TMEM117: variants seen among roughly 807,000 people sequenced by gnomAD.
TMEM117 encodes transmembrane protein 117.
In TMEM117, 27 loss-of-function variants were observed where a neutral mutation model predicts 52.4. The ratio of observed to expected loss-of-function variants is 0.51; its 90% CI spans 0.38 to 0.71. The LOEUF (loss-of-function observed/expected upper bound fraction) is 0.71, where lower values mean the gene tolerates loss of function less well. Ranked by LOEUF, TMEM117 falls within the 30% of genes least tolerant of loss-of-function variation. The pLI is 0.00. For missense variants in TMEM117, 556 were observed against 630.5 expected (o/e 0.88, Z 1.26); for synonymous variants, 215 against 206.3 (o/e 1.04, Z -0.36).
At chr12:44,142,624 A>C (rs1460322586) in intron 3 of TMEM117, among the ~76,000 whole-genome samples, 2 of 152,138 alleles carry the variant, frequency 1.3e-5, no homozygotes, top group Non-Finnish European at 2.9e-5. Flanking sequence ...TAAATTGTAC[A>C]GGTATTATTA....
intron 3 of TMEM117, among the ~76,000 whole-genome samples, chr12:44,067,127 T>C (rs184126209): frequency 3.6e-4 from 55 of 152,336 alleles, no homozygotes; most frequent in African/African-American, 1.2e-3. Flanking sequence ...CCTGCAGCAA[T>C]TTAGTCACCT....
At position 44,173,127 on chromosome 12, in the gene TMEM117, G is replaced by A. The variant is rs916749400; in HGVS notation, c.510+29503G>A. Among the ~76,000 whole-genome samples, 8 of 152,338 alleles carry A rather than the reference G, an allele frequency of 5.3e-5. No individual in the cohort carries two copies. The South Asian group carries it at 1.7e-3, about 32-fold the overall frequency. On this transcript the variant is annotated intron_variant, in intron 4 of 7. Coordinates refer to ENST00000266534, the MANE Select transcript of TMEM117 (RefSeq NM_032256.3). ...GTCTTACTCTGTCACCCAGGTTGGA[G>A]TGCAGTGGTGAAATCTTGATTCACT... is the stretch of plus-strand genomic sequence containing the variant.
chr12:44,277,720 C>T (rs890786392), intron 5 of TMEM117, among the ~76,000 whole-genome samples: 1 of 151,476 alleles, frequency 6.6e-6, no homozygotes, highest in Non-Finnish European at 1.5e-5. Flanking sequence ...AACTTCCCTC[C>T]CATGCTGCAT....
At chr12:43,883,102 G>GTTCTATA (rs1464850979) in intron 2 of TMEM117, among the ~76,000 whole-genome samples, 1 of 151,972 alleles carries the variant, frequency 6.6e-6, no homozygotes, top group Non-Finnish European at 1.5e-5. Context: ...AAGGAGAAGA[G>GTTCTATA]TTCTATATTT....
intron 4 of TMEM117, among the ~76,000 whole-genome samples, chr12:44,197,552 A>G (rs1949437642): frequency 6.6e-6 from 1 of 152,208 alleles, no homozygotes; most frequent in South Asian, 2.1e-4. Flanking sequence ...CTTGCTCAGC[A>G]AAACCAGTGA....
intron 3 of TMEM117, among the ~76,000 whole-genome samples, chr12:44,096,021 T>G (rs1448281644): frequency 6.6e-6 from 1 of 152,158 alleles, no homozygotes; most frequent in Non-Finnish European, 1.5e-5. Context: ...CAGCAAAGTC[T>G]CAGGATACAA....
chr12:43,960,466 T>C (rs1180403946), intron 3 of TMEM117, among the ~76,000 whole-genome samples: 2 of 152,248 alleles, frequency 1.3e-5, no homozygotes, highest in African/African-American at 4.8e-5. Flanking sequence ...AAAGGTAAAA[T>C]AGCACAGCAT....
intron 3 of TMEM117, among the ~76,000 whole-genome samples, chr12:44,044,347 C>T (rs1946848335): frequency 6.6e-6 from 1 of 152,200 alleles, no homozygotes; most frequent in South Asian, 2.1e-4. Context: ...TTTTGAGAGA[C>T]AGCTCTTGGC....
At chr12:44,030,514 G>C (rs1021683033) in intron 3 of TMEM117, among the ~76,000 whole-genome samples, 5 of 152,188 alleles carry the variant, frequency 3.3e-5, no homozygotes, top group Non-Finnish European at 7.3e-5. Flanking sequence ...ATGTGTATTT[G>C]AGACTCCTAA....
At chr12:44,366,478 GTATTT>G (rs2138822938) in intron 6 of TMEM117, among the ~76,000 whole-genome samples, 1 of 152,168 alleles carries the variant, frequency 6.6e-6, no homozygotes, top group East Asian at 1.9e-4. Flanking sequence ...ACAGCAAAAT[GTATTT>G]TATTCTTTCC....
At chr12:44,369,805 T>G (rs2138831906) in intron 6 of TMEM117, among the ~76,000 whole-genome samples, 1 of 152,310 alleles carries the variant, frequency 6.6e-6, no homozygotes, top group East Asian at 1.9e-4. Context: ...CCACAGATTT[T>G]AAATTCTTTA....
chr12:44,350,347 A>G (rs898346754), intron 6 of TMEM117, among the ~76,000 whole-genome samples: 1 of 152,004 alleles, frequency 6.6e-6, no homozygotes, highest in African/African-American at 2.4e-5. Context: ...CATATCATGG[A>G]AATTGGATTA....
chr12:44,023,511 A>G (rs1411942187), intron 3 of TMEM117, among the ~76,000 whole-genome samples: 8 of 151,788 alleles, frequency 5.3e-5, no homozygotes, highest in East Asian at 1.9e-4. Context: ...TTTAATGATC[A>G]CCATTCTAAC....
chr12:44,244,723 T>G (rs533646280), intron 5 of TMEM117, among the ~76,000 whole-genome samples: 3 of 152,102 alleles, frequency 2.0e-5, no homozygotes, highest in African/African-American at 7.2e-5. Flanking sequence ...ATTTGTCTAT[T>G]TTGTCTTTAG....
intron 6 of TMEM117, among the ~76,000 whole-genome samples, chr12:44,350,204 A>G (rs1054293659): frequency 8.6e-5 from 13 of 152,028 alleles, no homozygotes; most frequent in African/African-American, 3.1e-4. Context: ...TTTTGTGAGT[A>G]CATACTAGGT....
intron 6 of TMEM117, among the ~76,000 whole-genome samples, chr12:44,350,212 G>C (rs1346640452): frequency 6.6e-6 from 1 of 151,818 alleles, no homozygotes; most frequent in East Asian, 1.9e-4. Flanking sequence ...GTACATACTA[G>C]GTATATATCT....
chr12:44,241,499 A>C (rs1314690465), intron 5 of TMEM117, among the ~76,000 whole-genome samples: 2 of 151,978 alleles, frequency 1.3e-5, no homozygotes, highest in Non-Finnish European at 2.9e-5. Context: ...CCACGCAGAA[A>C]TATTTTATTT....
chr12:43,891,367 A>ATTTTTTTTTTTTTTTTTTT lies in TMEM117; in HGVS notation c.277+46444_277+46462dup, dbSNP rs772754829. Among the ~76,000 whole-genome samples the ATTTTTTTTTTTTTTTTTTT allele has an allele frequency of 1.5e-3, 89 of 57,796 alleles. 20 individuals are homozygous for ATTTTTTTTTTTTTTTTTTT. The highest frequency in any genetic ancestry group is 2.6e-3 in the East Asian group (4 of 1,544). The allele number at this position is 57,796 out of a possible 152,430, so 37.9% of individuals were successfully genotyped here. ...ATTTCTTTTGGGAAATACCTCTTGA[A>ATTTTTTTTTTTTTTTTTTT]TTTTTTTTTTTTTTTTTTTTTTTGA... On this transcript the variant is annotated intron_variant, in intron 2 of 7. Transcript: ENST00000266534.
At chr12:43,892,195 C>T (rs141890253) in intron 2 of TMEM117, among the ~76,000 whole-genome samples, 126 of 152,250 alleles carry the variant, frequency 8.3e-4, no homozygotes, top group Admixed American at 5.8e-3. Flanking sequence ...GGAAAAGGTG[C>T]GTGGGGCAAA....
Sources: allele counts gnomAD v4.1 joint callset (sites outside exome capture counted in the v4.1 genomes callset), GRCh38; gene constraint gnomAD v4.1.1; transcripts MANE v1.5; gene names NCBI Gene and HGNC (gene_info 2026-07-23, HGNC 2026-07-21).